Variants in SH3RF3 observed in about 807,000 individuals in gnomAD.
SH3RF3 encodes the protein SH3 domain containing ring finger 3, also known as E3 ubiquitin-protein ligase SH3RF3.
In SH3RF3, 29 loss-of-function variants were observed where a neutral mutation model predicts 66.3. That is an observed-to-expected ratio of 0.44 (90% CI 0.33 to 0.60). The LOEUF (loss-of-function observed/expected upper bound fraction) is 0.60. Ranked by LOEUF, SH3RF3 falls within the 20% of genes least tolerant of loss-of-function variation. SH3RF3 has a pLI of 0.04. For missense variants in SH3RF3, 1,194 were observed against 1,190.9 expected (o/e 1.00, Z -0.04); for synonymous variants, 583 against 532.0 (o/e 1.10, Z -1.32).
intron 1 of SH3RF3, among the ~76,000 whole-genome samples, chr2:109,132,961 A>G (rs1676731342): frequency 6.6e-6 from 1 of 152,230 alleles, no homozygotes; most frequent in Admixed American, 6.5e-5. Context: ...TTGTTTTGAA[A>G]ATTTTTTAAA....
intron 1 of SH3RF3, among the ~76,000 whole-genome samples, chr2:109,200,627 T>TCCCAGCAGCCTGC (rs1678647460): frequency 6.6e-6 from 1 of 152,150 alleles, no homozygotes; most frequent in Non-Finnish European, 1.5e-5. Context: ...AGTGAGCTTG[T>TCCCAGCAGCCTGC]CCCAGCAGCC....
chr2:109,151,846 C>T (rs186507676), intron 1 of SH3RF3, among the ~76,000 whole-genome samples: 1 of 152,360 alleles, frequency 6.6e-6, no homozygotes, highest in Non-Finnish European at 1.5e-5. Context: ...AACAATATGA[C>T]ATTTCCTATG....
intron 1 of SH3RF3, among the ~76,000 whole-genome samples, chr2:109,306,193 A>T (rs1382834620): frequency 1.3e-5 from 2 of 152,342 alleles, no homozygotes; most frequent in African/African-American, 4.8e-5. Flanking sequence ...GTCAGAGCAG[A>T]CCGTCTTTCA....
chr2:109,355,796 C>A (rs544864741), intron 2 of SH3RF3, among the ~76,000 whole-genome samples: 4 of 152,324 alleles, frequency 2.6e-5, no homozygotes, highest in South Asian at 2.1e-4. Flanking sequence ...ATACAAAGCC[C>A]ATTTGGTGTT....
At chr2:109,483,855 T>C (rs979926348) in intron 8 of SH3RF3, among the ~76,000 whole-genome samples, 1 of 151,942 alleles carries the variant, frequency 6.6e-6, no homozygotes, top group Non-Finnish European at 1.5e-5. Context: ...AGCCCCACCA[T>C]CCCCTGCTTA....
chr2:109,478,247 C>T (rs760267888), intron 8 of SH3RF3, among the ~76,000 whole-genome samples: 14 of 152,240 alleles, frequency 9.2e-5, no homozygotes, highest in Non-Finnish European at 1.9e-4. Flanking sequence ...TTCCTTCTCT[C>T]TCTCAGTTCC....
chr2:109,317,363 A>G (rs1241630163), intron 1 of SH3RF3, among the ~76,000 whole-genome samples: 1 of 152,064 alleles, frequency 6.6e-6, no homozygotes, highest in Non-Finnish European at 1.5e-5. Context: ...CCCCAGCCCC[A>G]GGGGGTGGAG....
chr2:109,239,727 C>T (rs1406512524), intron 1 of SH3RF3, among the ~76,000 whole-genome samples: 1 of 152,178 alleles, frequency 6.6e-6, no homozygotes, highest in African/African-American at 2.4e-5. Flanking sequence ...AGTGCTCCAG[C>T]TTAAATGGAG....
intron 4 of SH3RF3, among the ~76,000 whole-genome samples, chr2:109,417,311 A>G (rs1426866488): frequency 1.3e-5 from 2 of 152,030 alleles, no homozygotes; most frequent in African/African-American, 2.4e-5. Flanking sequence ...GTGACTCATG[A>G]TCCAGACCGG....
chr2:109,177,257 T>C (rs73952865), intron 1 of SH3RF3, among the ~76,000 whole-genome samples: 2,191 of 152,246 alleles, frequency 0.014, 64 homozygotes, highest in African/African-American at 0.05. Context: ...AGCAGGAAGA[T>C]TAAATGCCAG....
intron 1 of SH3RF3, among the ~76,000 whole-genome samples, chr2:109,316,164 G>T (rs35489961): frequency 0.31 from 47,360 of 152,018 alleles, 9,129 homozygotes; most frequent in African/African-American, 0.55. Context: ...GTTCAGAGCT[G>T]GTTTTGCTGA....
chr2:109,503,785 C>T lies in SH3RF3; in HGVS notation c.*2114C>T, dbSNP rs924701232. ...AAGCAACAGAATAGAGTAACCTGAA[C>T]GTTCTTACTCTCCCAGGCATGGCCC... On this transcript the variant is annotated 3_prime_UTR_variant, in exon 10 of 10. Coordinates refer to ENST00000309415, the MANE Select transcript of SH3RF3 (RefSeq NM_001099289.3). 2.0e-5 allele frequency: 3 copies of T among 152,128 alleles called. No homozygotes were observed. The highest frequency in any genetic ancestry group is 2.9e-5 in the Non-Finnish European group (2 of 68,040). The allele number at this position is 152,128 out of a possible 1,614,324, so 9.4% of individuals were successfully genotyped here.
intron 1 of SH3RF3, among the ~76,000 whole-genome samples, chr2:109,340,312 C>T (rs1682531035): frequency 6.6e-6 from 1 of 152,078 alleles, no homozygotes; most frequent in Non-Finnish European, 1.5e-5. Flanking sequence ...GTGGGTCTCG[C>T]AGGTAGAGGT....
Position 109,475,159 on chromosome 2 carries a change from A to G in SH3RF3, c.2149-15446A>G, listed in dbSNP as rs138637311. On this transcript the variant is annotated intron_variant, in intron 8 of 9. Coordinates refer to ENST00000309415, the MANE Select transcript of SH3RF3 (RefSeq NM_001099289.3). ...CGCCCAGCTAATTTTTTGTATTTTT[A>G]GTAGAGACTTGGTTTCACCATGTTG... is the stretch of plus-strand genomic sequence containing the variant. Among the ~76,000 whole-genome samples the G allele has an allele frequency of 6.3e-3, 953 of 151,978 alleles. 14 individuals are homozygous for G. Among genetic ancestry groups the G allele is most frequent in the African/African-American group, 0.022 (904 of 41,460 alleles).
intron 1 of SH3RF3, among the ~76,000 whole-genome samples, chr2:109,215,169 C>A (rs1016994963): frequency 6.6e-6 from 1 of 152,206 alleles, no homozygotes; most frequent in Non-Finnish European, 1.5e-5. Flanking sequence ...TCTCTCTGAG[C>A]ATTGCTCAAT....
chr2:109,273,697 C>T (rs576812467), intron 1 of SH3RF3, among the ~76,000 whole-genome samples: 4 of 152,252 alleles, frequency 2.6e-5, no homozygotes, highest in South Asian at 2.1e-4. Context: ...TTGTCAGGGA[C>T]GCATGAGATC....
rs1225252526 is a variant in SH3RF3, at chr2:109,501,549, G to C, written c.2527G>C (p.Glu843Gln). 1 of 779,444 alleles carries C rather than the reference G, an allele frequency of 1.3e-6. No homozygotes were observed. Among genetic ancestry groups the C allele is most frequent in the African/African-American group, 1.7e-5 (1 of 59,120 alleles). 48.3% of individuals were successfully genotyped at this position (779,444 alleles called of 1,614,324 possible). A position where few individuals can be genotyped will look rare whatever the true frequency, so the allele number is the denominator to read the frequency against. Residue 843 changes from glutamate to glutamine, a missense_variant, in exon 10 of 10, where the codon GAG (glutamate) becomes CAG (glutamine). Coordinates refer to ENST00000309415, the MANE Select transcript of SH3RF3 (RefSeq NM_001099289.3). ...SYPPQSEAEI[E>Q]LKEGDIVFVH... Reference sequence around the variant, plus strand: ...CCCACCCCAGAGTGAGGCGGAGATCGAGCTGAAGGAAGGCGACATCGTCTT... The same window carrying C: ...CCCACCCCAGAGTGAGGCGGAGATCCAGCTGAAGGAAGGCGACATCGTCTT...
chr2:109,373,243 G>T (rs200934849), intron 3 of SH3RF3, among the ~76,000 whole-genome samples: 4 of 152,196 alleles, frequency 2.6e-5, no homozygotes, highest in African/African-American at 9.7e-5. Flanking sequence ...CTTAATGCGC[G>T]AATACCACTT....
chr2:109,263,368 A>C (rs1363035147), intron 1 of SH3RF3, among the ~76,000 whole-genome samples: 1 of 152,094 alleles, frequency 6.6e-6, no homozygotes, highest in African/African-American at 2.4e-5. Context: ...GTATATCTGG[A>C]ATGTGTTTAT....
Sources: allele counts gnomAD v4.1 joint callset (sites outside exome capture counted in the v4.1 genomes callset), GRCh38; gene constraint gnomAD v4.1.1; transcripts MANE v1.5; gene names NCBI Gene and HGNC (gene_info 2026-07-23, HGNC 2026-07-21).